MGAT1: variants seen among roughly 807,000 people sequenced by gnomAD.
MGAT1 encodes N-glycosyl-oligosaccharide-glycoprotein N-acetylglucosaminyltransferase I.
MGAT1 carries 14 observed loss-of-function variants against 31.7 expected under a neutral mutation model. That is an observed-to-expected ratio of 0.44 (90% CI 0.29 to 0.69). The LOEUF (loss-of-function observed/expected upper bound fraction) is 0.69. MGAT1 is among the 30% of genes least tolerant of loss of function. The pLI is 0.12. For missense variants in MGAT1, 557 were observed against 626.0 expected (o/e 0.89, Z 1.18); for synonymous variants, 338 against 276.0 (o/e 1.22, Z -2.23).
At chr5:180,802,208 G>C (rs1770927130) in intron 1 of MGAT1, among the ~76,000 whole-genome samples, 1 of 152,120 alleles carries the variant, frequency 6.6e-6, no homozygotes, top group African/African-American at 2.4e-5. Context: ...ACACACGTTA[G>C]CAAACAGGAA....
intron 1 of MGAT1, chr5:180,810,861 G>A (rs993127556): frequency 3.3e-5 from 5 of 152,262 alleles, no homozygotes; most frequent in African/African-American, 1.2e-4. Context: ...GGGTGCGCCC[G>A]CGCTGCCCTC....
At chr5:180,801,164 G>C (rs1770683907) in intron 1 of MGAT1, among the ~76,000 whole-genome samples, 1 of 152,228 alleles carries the variant, frequency 6.6e-6, no homozygotes, top group Non-Finnish European at 1.5e-5. Flanking sequence ...CTAACACTCT[G>C]ATACCATGGT....
At chr5:180,794,909 T>C (rs922530286) in intron 1 of MGAT1, among the ~76,000 whole-genome samples, 6 of 151,996 alleles carry the variant, frequency 3.9e-5, no homozygotes, top group African/African-American at 1.5e-4. Context: ...TCATAATCAC[T>C]CAAAACTGGA....
intron 1 of MGAT1, chr5:180,795,807 T>G (rs1485677204): frequency 6.6e-6 from 1 of 152,206 alleles, no homozygotes. Context: ...ATTGAGATGA[T>G]CTGTTTGCCC....
At chr5:180,798,436 C>T (rs1396506389) in intron 1 of MGAT1, among the ~76,000 whole-genome samples, 1 of 152,142 alleles carries the variant, frequency 6.6e-6, no homozygotes, top group Admixed American at 6.5e-5. Context: ...GTCCACCTAC[C>T]CTTCACCAAC....
chr5:180,792,604 T>A lies in MGAT1; in HGVS notation c.368A>T (p.Asp123Val). ...CGAGGGCCGATAATGCAGCAGCTTG[T>A]CCAGGCAGCGCCGAACAGTGCTGCG... The part of the protein sequence containing the change: ...CDRSTVRRCL[D>V]KLLHYRPSAE... Residue 123 changes from aspartate to valine, a missense_variant, in exon 2 of 2, where the codon GAC becomes GTC. Around this residue, in one of 3 missense-constraint regions of MGAT1, gnomAD observed 245 missense variants for 332.9 expected, o/e 0.74. Transcript: ENST00000307826. The A allele has an allele frequency of 1.2e-6, 2 of 1,609,446 alleles. No homozygotes were observed. Among genetic ancestry groups the A allele is most frequent in the Non-Finnish European group, 1.7e-6 (2 of 1,177,840 alleles).
In MGAT1 at chr5:180,791,431, G is replaced by C. The variant is rs1334072491; in HGVS notation, c.*203C>G. ...GCTTAATACCCCGCAACATACCCTA[G>C]AATAGTTCCCCTGATCTGACTCCCT... On this transcript the variant is annotated 3_prime_UTR_variant, in exon 2 of 2. Coordinates refer to ENST00000307826, the MANE Select transcript of MGAT1 (RefSeq NM_002406.4). 6 of 685,690 alleles carry C rather than the reference G, an allele frequency of 8.8e-6. No individual in the cohort carries two copies. Among genetic ancestry groups the C allele is most frequent in the African/African-American group, 1.8e-5 (1 of 55,214 alleles). 42.5% of individuals were successfully genotyped at this position (685,690 alleles called of 1,614,324 possible). A position where few individuals can be genotyped will look rare whatever the true frequency, so the allele number is the denominator to read the frequency against.
intron 1 of MGAT1, among the ~76,000 whole-genome samples, chr5:180,813,621 C>T (rs1034800025): frequency 2.6e-5 from 4 of 152,254 alleles, no homozygotes; most frequent in South Asian, 2.1e-4. Flanking sequence ...CCTAGAGGAC[C>T]AGCAGGTGGA....
At chr5:180,805,819 T>G (rs1771782248), upstream of MGAT1, among the ~76,000 whole-genome samples, 1 of 151,864 alleles carries the variant, frequency 6.6e-6, no homozygotes. Flanking sequence ...TCCTAATATC[T>G]CTGCTTGCCC....
chr5:180,793,721 G>A (rs1275330481), intron 1 of MGAT1, among the ~76,000 whole-genome samples: 2 of 152,188 alleles, frequency 1.3e-5, no homozygotes, highest in African/African-American at 2.4e-5. Flanking sequence ...GAGCAAGGAA[G>A]TGTAATATAA....
chr5:180,796,608 T>G (rs1357502392), intron 1 of MGAT1, among the ~76,000 whole-genome samples: 1 of 151,768 alleles, frequency 6.6e-6, no homozygotes, highest in Non-Finnish European at 1.5e-5. Flanking sequence ...AGAGTTTCAG[T>G]TTTTTTTCTT....
intron 1 of MGAT1, among the ~76,000 whole-genome samples, chr5:180,798,217 A>C (rs1045550804): frequency 6.6e-5 from 10 of 152,178 alleles, no homozygotes; most frequent in African/African-American, 2.4e-4. Context: ...ATGACAACGT[A>C]AATATCGGCC....
chr5:180,803,411 G>A (rs1288058650), upstream of MGAT1: 4 of 152,460 alleles, frequency 2.6e-5, no homozygotes, highest in South Asian at 2.1e-4. Flanking sequence ...CCTACCAGCA[G>A]GGGAGGCCCA....
intron 1 of MGAT1, among the ~76,000 whole-genome samples, chr5:180,797,809 G>A (rs948230430): frequency 1.3e-5 from 2 of 152,238 alleles, no homozygotes; most frequent in African/African-American, 4.8e-5. Context: ...GTTGCCATAA[G>A]AGGACATGAC....
rs533176212 is a variant in MGAT1 at position 180,790,873 on chromosome 5, G to T, written c.*761C>A. The T allele has an allele frequency of 6.6e-5, 10 of 152,456 alleles. No individual in the cohort carries two copies. The highest frequency in any genetic ancestry group is 2.4e-4 in the African/African-American group (10 of 41,560). 9.4% of individuals were successfully genotyped at this position (152,456 alleles called of 1,614,324 possible). A position where few individuals can be genotyped will look rare whatever the true frequency, so the allele number is the denominator to read the frequency against. The stretch of plus-strand genomic sequence containing the variant: ...AGGAGCCTCCTAGAGCAACAGGGAG[G>T]GCACTGATTTTCAGAAAGGAGGGGT... On this transcript the variant is annotated 3_prime_UTR_variant, in exon 2 of 2. Transcript: ENST00000307826.
At chr5:180,804,235 G>C (rs1017311744), upstream of MGAT1, among the ~76,000 whole-genome samples, 2 of 152,226 alleles carry the variant, frequency 1.3e-5, no homozygotes, top group African/African-American at 4.8e-5. Flanking sequence ...TTGAGGCTCA[G>C]GGTAAGTGCA....
At chr5:180,804,651 G>A (rs536532704), upstream of MGAT1, among the ~76,000 whole-genome samples, 18 of 152,324 alleles carry the variant, frequency 1.2e-4, no homozygotes, top group East Asian at 2.3e-3. Context: ...GTGTCAAGGC[G>A]TAAAGGAAAA....
chr5:180,797,457 G>A lies in MGAT1; in HGVS notation c.-126-4360C>T, dbSNP rs1042809693. Among the ~76,000 whole-genome samples, 7 of 137,710 alleles carry A rather than the reference G, an allele frequency of 5.1e-5. No homozygotes were observed. In the South Asian group the frequency reaches 1.2e-3, roughly 23 times the overall value. 90.3% of individuals were successfully genotyped at this position (137,710 alleles called of 152,430 possible). The stretch of plus-strand genomic sequence containing the variant: ...GGGGGGGGGCCCAGAGGGATAGCCC[G>A]TCCCTGACTCATCAATGACCTGCAG... On this transcript the variant is annotated intron_variant, in intron 1 of 1. Transcript: ENST00000307826.
rs534797717 is a variant in MGAT1 at position 180,797,115 on chromosome 5, G to A, written c.-126-4018C>T. Among the ~76,000 whole-genome samples, 8 of 152,296 alleles carry A rather than the reference G, an allele frequency of 5.3e-5. No homozygotes were observed. The East Asian group carries it at 1.5e-3, about 29-fold the overall frequency. On this transcript the variant is annotated intron_variant, in intron 1 of 1. Coordinates refer to ENST00000307826, the MANE Select transcript of MGAT1 (RefSeq NM_002406.4). The stretch of plus-strand genomic sequence containing the variant: ...AAGTGCTGCTCTGCATGGCTTAGAA[G>A]GGTGGGGCCCCACTGGGCTTGGTGG...
Sources: gnomAD v4.1 joint callset for allele counts (sites outside exome capture counted in the v4.1 genomes callset) on GRCh38, gnomAD v4.1.1 for gene constraint, gnomAD v4.1.1 regional missense constraint, MANE v1.5 for transcripts, NCBI Gene and HGNC (gene_info 2026-07-23, HGNC 2026-07-21) for gene names.